FGD6: variants seen among roughly 807,000 people sequenced by gnomAD.
FGD6 encodes FYVE, RhoGEF and PH domain containing 6, also known as FYVE, RhoGEF and PH domain-containing protein 6.
Under a neutral mutation model 149.4 loss-of-function variants are expected in FGD6, and 90 were observed. The observed-to-expected ratio is 0.60, with a 90% CI of 0.51 to 0.72. The LOEUF (loss-of-function observed/expected upper bound fraction) is 0.72, where lower values mean the gene tolerates loss of function less well. Ranked by LOEUF, FGD6 falls within the 30% of genes least tolerant of loss-of-function variation. FGD6 has a pLI of 0.00. For synonymous variants in FGD6, 527 were observed against 584.0 expected (o/e 0.90, Z 1.41); for missense variants, 1,437 against 1,684.8 (o/e 0.85, Z 2.57).
intron 5 of FGD6, among the ~76,000 whole-genome samples, chr12:95,143,666 A>T (rs1879923767): frequency 6.6e-6 from 1 of 152,206 alleles, no homozygotes; most frequent in Non-Finnish European, 1.5e-5. Context: ...AGCTTGCTTC[A>T]ATCAGCACTC....
At position 95,141,439 on chromosome 12, in the gene FGD6, T is replaced by A; in HGVS notation, c.2786A>T (p.Tyr929Phe). Residue 929 changes from tyrosine to phenylalanine, a missense_variant, in exon 6 of 21, where the codon TAT (tyrosine) becomes TTT (phenylalanine). By Grantham distance (22) the Tyr-to-Phe change is conservative (BLOSUM62 3). Transcript: ENST00000343958. ...CTTCAAGAGATCCCGGTTGAGCTCA[T>A]ACAGCTGAGGCAAGTAGTATAGGAT... ...NQILYYLPQL[Y>F]ELNRDLLKEL... 6.2e-7 allele frequency: 1 copy of A among 1,614,206 alleles called. No homozygotes were observed. Among genetic ancestry groups the A allele is most frequent in the Non-Finnish European group, 8.5e-7 (1 of 1,180,024 alleles).
At chr12:95,104,848 G>A (rs771364291) in intron 14 of FGD6, among the ~76,000 whole-genome samples, 159 bp downstream of exon 14, 1 of 151,858 alleles carries the variant, frequency 6.6e-6, no homozygotes, top group Non-Finnish European at 1.5e-5. Flanking sequence ...TGGAGGTGGA[G>A]GCTGCAGTGA....
chr12:95,084,321 C>T (rs909144827), intron 20 of FGD6, among the ~76,000 whole-genome samples, 177 bp downstream of exon 20: 2 of 152,148 alleles, frequency 1.3e-5, no homozygotes, highest in African/African-American at 4.8e-5. Context: ...TCCAGATACC[C>T]CTGCCTTGTC....
intron 2 of FGD6, among the ~76,000 whole-genome samples, chr12:95,206,693 CCA>C (rs1430092160): frequency 7.0e-6 from 1 of 142,970 alleles, no homozygotes; most frequent in East Asian, 2.0e-4. Flanking sequence ...GACCCTGTCT[CCA>C]AAGAAAAAAA....
rs1370006930 is a variant in FGD6, at chr12:95,197,353, G to A, written c.2441+11490C>T. Reference sequence around the variant, plus strand: ...CTCAGGAGGCTGAGGCAGAAGAATCGCTTGAACCTGGGAGGTGGAGGCTGA... The same window carrying A: ...CTCAGGAGGCTGAGGCAGAAGAATCACTTGAACCTGGGAGGTGGAGGCTGA... On this transcript the variant is annotated intron_variant, in intron 2 of 20. Coordinates refer to ENST00000343958, the MANE Select transcript of FGD6 (RefSeq NM_018351.4). Among the ~76,000 whole-genome samples the A allele has an allele frequency of 3.9e-5, 6 of 152,150 alleles. No individual in the cohort carries two copies. The East Asian group carries it at 7.7e-4, about 20-fold the overall frequency.
At chr12:95,162,271 C>G (rs1880666725) in intron 3 of FGD6, among the ~76,000 whole-genome samples, 2 of 151,692 alleles carry the variant, frequency 1.3e-5, no homozygotes, top group Admixed American at 6.6e-5. Flanking sequence ...ACCTGTAATC[C>G]CAGCACTTTG....
intron 2 of FGD6, among the ~76,000 whole-genome samples, chr12:95,182,847 G>A (rs955219713): frequency 6.6e-6 from 1 of 152,200 alleles, no homozygotes; most frequent in African/African-American, 2.4e-5. Context: ...GGCAAGACTG[G>A]TTAGTAAGTT....
intron 9 of FGD6, among the ~76,000 whole-genome samples, chr12:95,111,043 C>T (rs1408751332): frequency 7.9e-5 from 12 of 152,226 alleles, no homozygotes; most frequent in African/African-American, 2.6e-4. Context: ...AGTGCAGTCG[C>T]GGGATCTCGG....
intron 5 of FGD6, among the ~76,000 whole-genome samples, chr12:95,148,026 G>A (rs1189245297): frequency 6.6e-6 from 1 of 152,048 alleles, no homozygotes; most frequent in African/African-American, 2.4e-5. Context: ...CACCTCAGCA[G>A]CAAAACAAAG....
intron 2 of FGD6, among the ~76,000 whole-genome samples, chr12:95,204,708 G>GTGCA (rs1555222931): frequency 3.1e-5 from 4 of 128,044 alleles, no homozygotes; most frequent in Admixed American, 7.8e-5. Context: ...GTGCATGCAC[G>GTGCA]CGCACACACA....
intron 5 of FGD6, among the ~76,000 whole-genome samples, chr12:95,147,045 AC>A (rs1565907754): frequency 6.6e-6 from 1 of 152,174 alleles, no homozygotes; most frequent in Non-Finnish European, 1.5e-5. Flanking sequence ...TTACTGAACT[AC>A]TATCATGACA....
At chr12:95,108,942 A>G (rs142917512) in intron 9 of FGD6, among the ~76,000 whole-genome samples, 53 of 152,368 alleles carry the variant, frequency 3.5e-4, no homozygotes, top group African/African-American at 1.2e-3. Flanking sequence ...GGACCAGCCC[A>G]GTATAAACTG....
chr12:95,094,814 T>A, intron 14 of FGD6, 120 bp from the exon 15 acceptor site: 1 of 693,644 alleles, frequency 1.4e-6, no homozygotes, highest in Non-Finnish European at 2.5e-6. Context: ...GTCAAAAAAG[T>A]AGCAACTCCT....
intron 3 of FGD6, among the ~76,000 whole-genome samples, chr12:95,165,145 C>T (rs1880768020): frequency 6.6e-6 from 1 of 152,098 alleles, no homozygotes. Context: ...CTAGGTATTT[C>T]ACCTCAACAT....
At chr12:95,159,230 GC>G (rs1312461314) in intron 3 of FGD6, among the ~76,000 whole-genome samples, 6 of 152,048 alleles carry the variant, frequency 3.9e-5, no homozygotes, top group Non-Finnish European at 8.8e-5. Context: ...TCAGGACCTT[GC>G]TCTGCCAGGG....
At chr12:95,198,648 C>T (rs1161260410) in intron 2 of FGD6, among the ~76,000 whole-genome samples, 1 of 152,114 alleles carries the variant, frequency 6.6e-6, no homozygotes, top group Non-Finnish European at 1.5e-5. Flanking sequence ...ACCGTGTTAG[C>T]CAGGATGTTC....
Position 95,217,460 on chromosome 12 carries a change from G to A in FGD6, c.-220C>T, listed in dbSNP as rs183957980. 4,571 of 592,832 alleles carry A rather than the reference G, an allele frequency of 7.7e-3. 31 individuals carry two copies. The highest frequency in any genetic ancestry group is 6.9e-3 in the Non-Finnish European group (2,600 of 376,316). The allele number at this position is 592,832 out of a possible 1,614,324, so 36.7% of individuals were successfully genotyped here. A position where few individuals can be genotyped will look rare whatever the true frequency, so the allele number is the denominator to read the frequency against. ...CGAGCCGCCGGGGTCGGGCGGGCGA[G>A]CACTAGCACCGCCCCGCAGAGCGGC... On this transcript the variant is annotated 5_prime_UTR_variant, in exon 1 of 21. Transcript: ENST00000343958.
intron 2 of FGD6, among the ~76,000 whole-genome samples, chr12:95,187,951 C>A (rs572873264): frequency 2.0e-5 from 3 of 152,100 alleles, no homozygotes; most frequent in Non-Finnish European, 4.4e-5. Flanking sequence ...CATATAATGA[C>A]GAATTCACAG....
intron 3 of FGD6, among the ~76,000 whole-genome samples, chr12:95,156,848 C>T (rs1035140405): frequency 2.2e-4 from 33 of 152,146 alleles, no homozygotes; most frequent in African/African-American, 5.1e-4. Context: ...AAACAACCTA[C>T]GTGAAATATT....
Sources: allele counts gnomAD v4.1 joint callset (sites outside exome capture counted in the v4.1 genomes callset), GRCh38; gene constraint gnomAD v4.1.1; transcripts MANE v1.5; gene names NCBI Gene and HGNC (gene_info 2026-07-23, HGNC 2026-07-21).